FSTL4: variants seen among roughly 807,000 people sequenced by gnomAD.
The protein encoded by FSTL4 is follistatin like 4.
Under a neutral mutation model 78.2 loss-of-function variants are expected in FSTL4, and 28 were observed. That is an observed-to-expected ratio of 0.36 (90% CI 0.27 to 0.49). The LOEUF (loss-of-function observed/expected upper bound fraction) is 0.49. Among genes scored for constraint, FSTL4 ranks in the 20% least tolerant of loss-of-function variants. The pLI is 0.98. For synonymous variants in FSTL4, 422 were observed against 440.5 expected (o/e 0.96, Z 0.53); for missense variants, 922 against 1,084.9 (o/e 0.85, Z 2.11).
intron 3 of FSTL4, among the ~76,000 whole-genome samples, chr5:133,495,073 A>C (rs1758342916): frequency 6.6e-6 from 1 of 152,218 alleles, no homozygotes; most frequent in Non-Finnish European, 1.5e-5. Context: ...TAGCATCCTG[A>C]CAGGAATCCA....
At chr5:133,538,117 T>G (rs1347528578) in intron 3 of FSTL4, among the ~76,000 whole-genome samples, 2 of 123,366 alleles carry the variant, frequency 1.6e-5, no homozygotes, top group Non-Finnish European at 3.5e-5. Flanking sequence ...TCTTTATATC[T>G]ATTTTTTTTT....
At chr5:133,613,712 C>A (rs1761152364), upstream of FSTL4, among the ~76,000 whole-genome samples, 8 of 152,170 alleles carry the variant, frequency 5.3e-5, no homozygotes, top group South Asian at 1.7e-3. Context: ...TCTATCACTG[C>A]CAAGCTATGT....
At chr5:133,235,371 C>T (rs563275804) in intron 7 of FSTL4, among the ~76,000 whole-genome samples, 10 of 151,940 alleles carry the variant, frequency 6.6e-5, no homozygotes, top group African/African-American at 1.2e-4. Flanking sequence ...TGGAGGCGGG[C>T]GCCTGTAGTC....
chr5:133,454,428 G>T (rs1362785924), intron 3 of FSTL4, among the ~76,000 whole-genome samples: 1 of 152,122 alleles, frequency 6.6e-6, no homozygotes, highest in Non-Finnish European at 1.5e-5. Flanking sequence ...TCTGAATGGT[G>T]GGTTTGCACC....
intron 15 of FSTL4, among the ~76,000 whole-genome samples, chr5:133,201,667 G>T (rs892183522): frequency 1.3e-5 from 2 of 152,174 alleles, no homozygotes; most frequent in Non-Finnish European, 2.9e-5. Context: ...TTACCTTAAG[G>T]ATGGGACTTC....
chr5:133,410,318 A>ACC (rs1396489703), intron 3 of FSTL4, among the ~76,000 whole-genome samples: 1 of 151,992 alleles, frequency 6.6e-6, no homozygotes, highest in Non-Finnish European at 1.5e-5. Flanking sequence ...TTTTTCCTTC[A>ACC]GGTACTTAGC....
Position 133,210,285 on chromosome 5 carries a change from T to G in FSTL4, c.1622A>C (p.Asp541Ala). Reference protein sequence around the residue: ...AQKVLQSIGVDPLPAKLSYDK... With the variant: ...AQKVLQSIGVAPLPAKLSYDK... ...ATAGGACAGCTTAGCCGGCAGAGGG[T>G]CCACACCTATGGACTTGAAAAAAAA... is the stretch of plus-strand genomic sequence containing the variant. The change falls in exon 14 of 16, where the codon GAC becomes GCC. Residue 541 changes from aspartate (D) to alanine (A), a missense_variant. By Grantham distance (126) the Asp-to-Ala change is moderately radical. Coordinates refer to ENST00000265342, the MANE Select transcript of FSTL4 (RefSeq NM_015082.2). 6.2e-7 allele frequency: 1 copy of G among 1,600,420 alleles called. No homozygotes were observed. Among genetic ancestry groups the G allele is most frequent in the Non-Finnish European group, 8.6e-7 (1 of 1,167,988 alleles).
At chr5:133,654,091 T>C in the FSTL4 span, among the ~76,000 whole-genome samples, 2 of 152,340 alleles carry the variant, frequency 1.3e-5, no homozygotes, top group East Asian at 3.9e-4. Context: ...GTAATTAATC[T>C]AGAGGCTTAT....
the FSTL4 span, among the ~76,000 whole-genome samples, chr5:133,627,141 C>T: frequency 1.4e-5 from 2 of 142,470 alleles, no homozygotes; most frequent in African/African-American, 2.6e-5. Context: ...TGATGTTCCT[C>T]TCTGTGTCTC....
chr5:133,683,234 G>A, the FSTL4 span, among the ~76,000 whole-genome samples: 1 of 152,214 alleles, frequency 6.6e-6, no homozygotes, highest in Admixed American at 6.5e-5. Flanking sequence ...GGTATGCAGG[G>A]AGGGCACCAG....
chr5:133,665,103 A>G, the FSTL4 span, among the ~76,000 whole-genome samples: 2 of 152,158 alleles, frequency 1.3e-5, no homozygotes, highest in Non-Finnish European at 2.9e-5. Context: ...TCCTTCTCTG[A>G]AGCATATGCC....
At chr5:133,238,454 C>T (rs763343058) in intron 7 of FSTL4, among the ~76,000 whole-genome samples, 49 of 152,208 alleles carry the variant, frequency 3.2e-4, no homozygotes, top group Non-Finnish European at 5.0e-4. Flanking sequence ...TGTGGTGCCT[C>T]GGTGATGGCC....
At chr5:133,716,677 G>A in the FSTL4 span, among the ~76,000 whole-genome samples, 1 of 152,066 alleles carries the variant, frequency 6.6e-6, no homozygotes, top group South Asian at 2.1e-4. Context: ...CTTGAATTCT[G>A]ACGTCATAAA....
intron 2 of FSTL4, among the ~76,000 whole-genome samples, chr5:133,600,181 C>T (rs1188238813): frequency 6.6e-6 from 1 of 152,048 alleles, no homozygotes; most frequent in Non-Finnish European, 1.5e-5. Context: ...GTACAGTATT[C>T]AATAAATTAC....
chr5:133,458,216 A>G (rs1315390780), intron 3 of FSTL4: 2 of 152,254 alleles, frequency 1.3e-5, no homozygotes, highest in Non-Finnish European at 2.9e-5. Context: ...TGATGTCCTC[A>G]GAGAGGAAAT....
At position 133,236,602 on chromosome 5, in the gene FSTL4, C is replaced by T. The variant is rs58255401; in HGVS notation, c.895-3065G>A. ...TGATGCCAGGGACCCCGGCTTCCGG[C>T]CCACAGACTCTGCCCTGAGCCAGCC... On this transcript the variant is annotated intron_variant, in intron 7 of 15. Coordinates refer to ENST00000265342, the MANE Select transcript of FSTL4 (RefSeq NM_015082.2). This position sits in a 1 kb window ranked among gnomAD's most constrained non-coding sequence, Gnocchi z 5.0. 2.0e-5 allele frequency among the ~76,000 whole-genome samples: 3 copies of T among 152,126 alleles called. No individual in the cohort carries two copies. The East Asian group carries it at 5.8e-4, about 29-fold the overall frequency.
chr5:133,802,478 T>C, the FSTL4 span, among the ~76,000 whole-genome samples: 14 of 152,226 alleles, frequency 9.2e-5, no homozygotes, highest in African/African-American at 3.1e-4. Context: ...AGAACCTTTG[T>C]AATGCTCCAG....
chr5:133,542,032 C>T (rs1660660138), intron 3 of FSTL4, among the ~76,000 whole-genome samples: 2 of 152,144 alleles, frequency 1.3e-5, no homozygotes, highest in Admixed American at 1.3e-4. Context: ...TCCCACTTTC[C>T]ATATCTGTAA....
the FSTL4 span, among the ~76,000 whole-genome samples, chr5:133,753,338 G>A: frequency 5.3e-5 from 8 of 152,170 alleles, no homozygotes; most frequent in African/African-American, 1.7e-4. Flanking sequence ...ATGGGCATGT[G>A]TCCACTGGCA....
Sources: gnomAD v4.1 joint callset for allele counts (sites outside exome capture counted in the v4.1 genomes callset) on GRCh38, gnomAD v4.1.1 for gene constraint, Gnocchi (gnomAD v3.1) non-coding constraint, MANE v1.5 for transcripts, NCBI Gene and HGNC (gene_info 2026-07-23, HGNC 2026-07-21) for gene names.